The following PIWIL1 variants were observed in gnomAD, a reference collection of about 807,000 sequenced individuals.
The protein encoded by PIWIL1 is piwi-like protein 1.
A neutral mutation model predicts 114.4 loss-of-function variants in PIWIL1; 73 were observed. The observed-to-expected ratio is 0.64, with a 90% CI of 0.53 to 0.78. PIWIL1 has a LOEUF of 0.78. Ranked by LOEUF, PIWIL1 falls within the 30% of genes least tolerant of loss-of-function variation. The pLI is 0.00. For missense variants in PIWIL1, 723 were observed against 1,063.1 expected, an observed-to-expected ratio of 0.68 and a Z score of 4.45; for synonymous variants, 375 against 369.0, an observed-to-expected ratio of 1.02 and a Z score of -0.19.
chr12:130,370,687 A>G (rs2073793949), intron 19 of PIWIL1, among the ~76,000 whole-genome samples: 1 of 152,198 alleles, frequency 6.6e-6, no homozygotes, highest in African/African-American at 2.4e-5. Context: ...CCTGGGGATT[A>G]AAATGAATTC....
chr12:130,398,649 C>T, the PIWIL1 span: 2 of 152,540 alleles, frequency 1.3e-5, no homozygotes, highest in South Asian at 2.1e-4. Flanking sequence ...TCTGGCCACT[C>T]GAGCCAGTGT....
chr12:130,405,375 A>G, the PIWIL1 span, among the ~76,000 whole-genome samples: 2 of 152,182 alleles, frequency 1.3e-5, no homozygotes, highest in East Asian at 1.9e-4. Flanking sequence ...AGAGAAACCT[A>G]CCGTCCAGGA....
chr12:130,363,852 A>G (rs2073583959), intron 18 of PIWIL1, among the ~76,000 whole-genome samples: 1 of 152,074 alleles, frequency 6.6e-6, no homozygotes, highest in Non-Finnish European at 1.5e-5. Flanking sequence ...TCCCATCCTC[A>G]GGTGATCCAC....
intron 19 of PIWIL1, among the ~76,000 whole-genome samples, chr12:130,370,718 G>A (rs1490986359): frequency 6.6e-6 from 1 of 152,172 alleles, no homozygotes; most frequent in East Asian, 1.9e-4. Context: ...AAATAACAAT[G>A]GGAACAGCAA....
chr12:130,346,284 A>G (rs144621998), intron 4 of PIWIL1, 86 bp from the exon 5 acceptor site: 13,706 of 1,012,022 alleles, frequency 0.014, 157 homozygotes, highest in Middle Eastern at 0.046. Context: ...TGTTTACGGA[A>G]CTGTGCCTGC....
At chr12:130,367,912 C>T (rs958497737) in intron 19 of PIWIL1, among the ~76,000 whole-genome samples, 9 of 152,146 alleles carry the variant, frequency 5.9e-5, no homozygotes, top group Non-Finnish European at 8.8e-5. Flanking sequence ...ATTCTCATGC[C>T]GTAGCCTCCT....
intron 3 of PIWIL1, among the ~76,000 whole-genome samples, chr12:130,344,414 A>G (rs918139795): frequency 4.6e-5 from 7 of 152,198 alleles, no homozygotes; most frequent in Non-Finnish European, 1.0e-4. Flanking sequence ...AGGTACAGAA[A>G]CAAACATGGA....
At chr12:130,340,436 C>T (rs2072876428) in intron 1 of PIWIL1, among the ~76,000 whole-genome samples, 1 of 151,964 alleles carries the variant, frequency 6.6e-6, no homozygotes, top group African/African-American at 2.4e-5. Context: ...ATTAGATTCT[C>T]ATAAGGAGCA....
chr12:130,346,484 G>A lies in PIWIL1; in HGVS notation c.431G>A (p.Arg144Lys), dbSNP rs1496856. Residue 144 changes from arginine (R) to lysine (K), a missense_variant, in exon 5 of 21, where the codon AGA (arginine) becomes AAA (lysine). Arg to Lys is a conservative substitution (Grantham distance 26). This residue lies in a region of PIWIL1 where 190 missense variants were observed against 294.4 expected (regional missense o/e 0.65). Transcript: ENST00000245255. ...IDYNPLMEAR[R>K]LRSALLFQHE... ...TATAACCCACTGATGGAAGCCAGAA[G>A]ACTCCGTTCAGCTCTTCTTTTTCAA... is the stretch of plus-strand genomic sequence containing the variant. 1.9e-6 allele frequency: 3 copies of A among 1,614,062 alleles called. No individual in the cohort carries two copies. Among genetic ancestry groups the A allele is most frequent in the Non-Finnish European group, 2.5e-6 (3 of 1,179,890 alleles).
the PIWIL1 span, among the ~76,000 whole-genome samples, chr12:130,411,274 G>A: frequency 1.3e-5 from 2 of 152,140 alleles, no homozygotes; most frequent in Non-Finnish European, 2.9e-5. Context: ...GATTTTCTAA[G>A]TAGATTTCCA....
chr12:130,406,485 T>G, the PIWIL1 span, among the ~76,000 whole-genome samples: 1 of 152,186 alleles, frequency 6.6e-6, no homozygotes, highest in African/African-American at 2.4e-5. Flanking sequence ...TTGGCCAAAA[T>G]TCAAGATTAT....
chr12:130,407,843 A>G, the PIWIL1 span: 1 of 1,606,942 alleles, frequency 6.2e-7, no homozygotes, highest in Non-Finnish European at 8.5e-7. Context: ...TTCAGATCAC[A>G]AGGGGGAAAG....
At chr12:130,350,006 A>G (rs374707899) in intron 9 of PIWIL1, 39 bp downstream of exon 9, 24 of 1,139,506 alleles carry the variant, frequency 2.1e-5, no homozygotes, top group Non-Finnish European at 2.9e-5. Context: ...GAAATCCAAA[A>G]TATCTTTGGT....
intron 9 of PIWIL1, among the ~76,000 whole-genome samples, chr12:130,353,284 T>G (rs2073267102): frequency 7.0e-6 from 1 of 142,486 alleles, no homozygotes; most frequent in Non-Finnish European, 1.6e-5. Flanking sequence ...TGTGTGGTTT[T>G]TTGTTCTTCT....
intron 1 of PIWIL1, 70 bp downstream of exon 1, chr12:130,338,216 A>G (rs1593073203): frequency 8.0e-5 from 15 of 188,146 alleles, no homozygotes; most frequent in South Asian, 1.3e-4. Flanking sequence ...GGGGTCCGGG[A>G]TGTGGAGGTG....
chr12:130,385,088 C>A, the PIWIL1 span, among the ~76,000 whole-genome samples: 89 of 152,228 alleles, frequency 5.8e-4, no homozygotes, highest in Admixed American at 4.1e-3. Context: ...TACTGCAGGG[C>A]TGTTAGTCTT....
At chr12:130,355,292 A>G (rs918243552) in intron 11 of PIWIL1, among the ~76,000 whole-genome samples, 2 of 152,166 alleles carry the variant, frequency 1.3e-5, no homozygotes, top group African/African-American at 4.8e-5. Context: ...TCTTTTTTCT[A>G]TCTTTGTTAT....
At chr12:130,358,130 G>A (rs1039884453) in intron 14 of PIWIL1, among the ~76,000 whole-genome samples, 12 of 152,190 alleles carry the variant, frequency 7.9e-5, no homozygotes, top group African/African-American at 2.9e-4. Context: ...CCAGGTGAGT[G>A]AGTGATGACT....
At chr12:130,342,845 C>A (rs562317722) in intron 2 of PIWIL1, 145 bp from the exon 3 acceptor site, 3 of 729,912 alleles carry the variant, frequency 4.1e-6, no homozygotes, top group Non-Finnish European at 4.7e-6. Flanking sequence ...GGTGACTCTT[C>A]TCTCAAATTT....
Sources: allele counts gnomAD v4.1 joint callset (sites outside exome capture counted in the v4.1 genomes callset), GRCh38; gene constraint gnomAD v4.1.1; regional missense constraint gnomAD v4.1.1; transcripts MANE v1.5; gene names NCBI Gene and HGNC (gene_info 2026-07-23, HGNC 2026-07-21).